The following DOCK11 variants were observed in gnomAD, a reference collection of about 807,000 sequenced individuals.
DOCK11 encodes the protein dedicator of cytokinesis protein 11.
In DOCK11, 70 loss-of-function variants were observed where a neutral mutation model predicts 169.1. The ratio of observed to expected loss-of-function variants is 0.41; its 90% CI spans 0.34 to 0.51. DOCK11 has a LOEUF of 0.51. Among genes scored for constraint, DOCK11 ranks in the 20% least tolerant of loss-of-function variants. DOCK11 has a pLI of 0.10. For synonymous variants in DOCK11, 529 were observed against 541.3 expected (o/e 0.98, Z 0.32); for missense variants, 1,166 against 1,538.8 (o/e 0.76, Z 4.05).
chrX:118,505,912 A>C (rs1320536771), intron 1 of DOCK11, among the ~76,000 whole-genome samples: 4 of 112,035 alleles, frequency 3.6e-5, no homozygotes, highest in African/African-American at 1.3e-4. Context: ...GAGAATTGGG[A>C]TCTGTGTGGA....
chrX:118,665,059 T>G (rs770503766), intron 45 of DOCK11, among the ~76,000 whole-genome samples: 1 of 111,919 alleles, frequency 8.9e-6, no homozygotes, highest in South Asian at 3.7e-4. Flanking sequence ...ACATAGTCTG[T>G]CTCCCTATCA....
intron 1 of DOCK11, among the ~76,000 whole-genome samples, chrX:118,532,891 T>C (rs2011633681): frequency 9.2e-6 from 1 of 109,037 alleles, no homozygotes; most frequent in Non-Finnish European, 1.9e-5. Context: ...GTGGAGCATC[T>C]CCTGACATTT....
intron 36 of DOCK11, among the ~76,000 whole-genome samples, chrX:118,637,140 A>G (rs2015411656): frequency 9.0e-6 from 1 of 111,061 alleles, no homozygotes; most frequent in Non-Finnish European, 1.9e-5. Flanking sequence ...AGCAGTTAAG[A>G]TTTTTTTTTA....
intron 1 of DOCK11, among the ~76,000 whole-genome samples, chrX:118,529,852 A>G (rs766033542): frequency 9.0e-6 from 1 of 111,142 alleles, no homozygotes; most frequent in Non-Finnish European, 1.9e-5. Context: ...ATCAAATATG[A>G]GATAACATGA....
At chrX:118,609,891 T>C (rs1357923726) in intron 27 of DOCK11, among the ~76,000 whole-genome samples, 1 of 112,556 alleles carries the variant, frequency 8.9e-6, no homozygotes, top group Non-Finnish European at 1.9e-5. Context: ...ATTTACCTTA[T>C]ACTTAATTAT....
intron 44 of DOCK11, among the ~76,000 whole-genome samples, chrX:118,657,972 A>T (rs183573370): frequency 1.4e-3 from 156 of 109,565 alleles, no homozygotes; most frequent in African/African-American, 4.0e-3. Flanking sequence ...TATTTTTTTT[A>T]AAAAACCTGT....
At chrX:118,667,663 A>G (rs1259435572) in intron 45 of DOCK11, among the ~76,000 whole-genome samples, 1 of 110,650 alleles carries the variant, frequency 9.0e-6, no homozygotes, top group African/African-American at 3.3e-5. Flanking sequence ...TTCTTTTTCA[A>G]AGTTGTTTTG....
chrX:118,678,827 G>A (rs893375488), intron 48 of DOCK11, among the ~76,000 whole-genome samples: 11 of 110,221 alleles, frequency 1.0e-4, no homozygotes, highest in African/African-American at 3.3e-4. Context: ...CTGGAGTGCT[G>A]TGGCACGATC....
Position 118,578,526 on chromosome X carries a change from G to A in DOCK11, c.1391G>A (p.Gly464Glu). 8.3e-7 allele frequency: 1 copy of A among 1,206,997 alleles called. No individual in the cohort carries two copies. The highest frequency in any genetic ancestry group is 3.0e-5 in the East Asian group (1 of 33,613). The part of the protein sequence containing the change: ...AESQLRYIQQ[G>E]IFSVTNPHPE... ...CTAACGGAAGTACTTTTTTCCCAGG[G>A]AATTTTCTCAGTGACGAATCCACAT... Residue 464 changes from glycine to glutamate, a missense_variant and splice_region_variant, in exon 13 of 53, where the codon GGA (glycine) becomes GAA (glutamate). Physicochemically the swap from Gly to Glu is moderately conservative, Grantham distance 98 (BLOSUM62 -2). Coordinates refer to ENST00000276202, the MANE Select transcript of DOCK11 (RefSeq NM_144658.4).
intron 14 of DOCK11, among the ~76,000 whole-genome samples, chrX:118,581,805 T>TAAAAAAAAAAAAAAAAA (rs35095116): frequency 7.8e-5 from 1 of 12,744 alleles, no homozygotes; most frequent in African/African-American, 3.3e-4. Flanking sequence ...CTCCGTCTCC[T>TAAAAAAAAAAAAAAAAA]AAAAAAAAAA....
chrX:118,528,402 A>AG (rs1453600669), intron 1 of DOCK11, among the ~76,000 whole-genome samples: 1 of 111,967 alleles, frequency 8.9e-6, no homozygotes, highest in African/African-American at 3.2e-5. Flanking sequence ...CAAAATGACA[A>AG]GGGGTGGTGG....
intron 24 of DOCK11, among the ~76,000 whole-genome samples, chrX:118,607,017 A>ATTCCT (rs1219297634): frequency 9.7e-6 from 1 of 102,868 alleles, no homozygotes; most frequent in African/African-American, 3.6e-5. Flanking sequence ...TTGCGTCTTT[A>ATTCCT]TTCCTTTCCT....
chrX:118,557,638 C>T (rs2012745564), intron 6 of DOCK11, among the ~76,000 whole-genome samples: 1 of 107,172 alleles, frequency 9.3e-6, no homozygotes, highest in African/African-American at 3.4e-5. Context: ...GTGGCGGGCG[C>T]CCGTAGTCCC....
At chrX:118,514,253 CTG>C (rs2057668572) in intron 1 of DOCK11, among the ~76,000 whole-genome samples, 1 of 110,125 alleles carries the variant, frequency 9.1e-6, no homozygotes, top group Non-Finnish European at 1.9e-5. Flanking sequence ...CAATGCTGAA[CTG>C]TGAGTCAATT....
chrX:118,529,047 G>A (rs370731495), intron 1 of DOCK11, among the ~76,000 whole-genome samples: 15 of 107,586 alleles, frequency 1.4e-4, no homozygotes, highest in South Asian at 4.1e-4. Context: ...ATAGTGGCGC[G>A]ATCTCGGCTC....
At chrX:118,532,780 CAA>C (rs140455489) in intron 1 of DOCK11, among the ~76,000 whole-genome samples, 3 of 46,733 alleles carry the variant, frequency 6.4e-5, no homozygotes, top group Non-Finnish European at 7.4e-5. Flanking sequence ...GACTCTGTCT[CAA>C]AAAAAAAAAA....
chrX:118,499,610 C>T (rs1173125756), intron 1 of DOCK11, among the ~76,000 whole-genome samples: 3 of 112,009 alleles, frequency 2.7e-5, no homozygotes, highest in African/African-American at 9.7e-5. Flanking sequence ...TCCTCTGCTC[C>T]CTCTTCCCAA....
chrX:118,679,103 A>G (rs1447325167), intron 48 of DOCK11, among the ~76,000 whole-genome samples: 1 of 109,233 alleles, frequency 9.2e-6, no homozygotes, highest in Non-Finnish European at 1.9e-5. Flanking sequence ...TAATTTTTTT[A>G]TGTTTCTTAG....
At position 118,544,645 on chromosome X, in the gene DOCK11, C is replaced by CTTTTTTTTTTTTTT. The variant is rs1157804079; in HGVS notation, c.393-659_393-646dup. 2.2e-3 allele frequency among the ~76,000 whole-genome samples: 52 copies of CTTTTTTTTTTTTTT among 23,365 alleles called. 10 individuals are homozygous for CTTTTTTTTTTTTTT. The highest frequency in any genetic ancestry group is 2.7e-3 in the Non-Finnish European group (37 of 13,902). 20.3% of individuals were successfully genotyped at this position (23,365 alleles called of 115,157 possible). A position where few individuals can be genotyped will look rare whatever the true frequency, so the allele number is the denominator to read the frequency against. On this transcript the variant is annotated intron_variant, in intron 4 of 52. Coordinates refer to ENST00000276202, the MANE Select transcript of DOCK11 (RefSeq NM_144658.4). ...TGCAAGAGCCAGAATTACACTGTTG[C>CTTTTTTTTTTTTTT]TTTTTTTTTTTTTTTTTTTTTTTTT...
Sources: gnomAD v4.1 joint callset for allele counts (sites outside exome capture counted in the v4.1 genomes callset) on GRCh38, gnomAD v4.1.1 for gene constraint, MANE v1.5 for transcripts, NCBI Gene and HGNC (gene_info 2026-07-23, HGNC 2026-07-21) for gene names.